Variants in SLC6A16 observed in about 807,000 individuals in gnomAD.
SLC6A16 encodes the protein orphan sodium- and chloride-dependent neurotransmitter transporter NTT5.
A neutral mutation model predicts 65.4 loss-of-function variants in SLC6A16; 54 were observed. That is an observed-to-expected ratio of 0.83 (90% CI 0.66 to 1.04). The LOEUF is 1.04. SLC6A16 is among the 50% of genes least tolerant of loss of function. SLC6A16 has a pLI of 0.00. For missense variants in SLC6A16, 816 were observed against 914.0 expected (o/e 0.89, Z 1.38); for synonymous variants, 330 against 346.5 (o/e 0.95, Z 0.53).
intron 7 of SLC6A16, among the ~76,000 whole-genome samples, chr19:49,302,080 G>C (rs998534266): frequency 2.0e-5 from 3 of 152,190 alleles, no homozygotes; most frequent in African/African-American, 7.2e-5. Context: ...CTGCAGTTAG[G>C]CACAAGCTGT....
At chr19:49,302,207 G>A (rs1469183092) in intron 7 of SLC6A16, among the ~76,000 whole-genome samples, 1 of 152,186 alleles carries the variant, frequency 6.6e-6, no homozygotes, top group Non-Finnish European at 1.5e-5. Flanking sequence ...TGTGCCTACA[G>A]CCAGCCTCTG....
the SLC6A16 span, chr19:49,339,226 C>A: frequency 3.0e-6 from 3 of 992,782 alleles, no homozygotes; most frequent in African/African-American, 1.6e-5. This position sits in a 1 kb window ranked among gnomAD's most constrained non-coding sequence, Gnocchi z 4.5. Flanking sequence ...ACTAGGGGAG[C>A]GGGTAGATGC....
intron 1 of SLC6A16, among the ~76,000 whole-genome samples, chr19:49,322,817 CTTTTTTTTTTTTTTTTTTTTTTTT>C (rs536909742): frequency 4.1e-4 from 17 of 41,970 alleles, no homozygotes; most frequent in South Asian, 8.3e-4. Context: ...GAATTAGTAG[CTTTTTTTTTTTTTTTTTTTTTTTT>C]TTTTTTTTTT....
At chr19:49,333,553 G>A in the SLC6A16 span, among the ~76,000 whole-genome samples, 2 of 152,188 alleles carry the variant, frequency 1.3e-5, no homozygotes, top group African/African-American at 4.8e-5. Flanking sequence ...GCTCAGGACT[G>A]GGTTTCAAAA....
chr19:49,307,174 G>C (rs576862381), intron 7 of SLC6A16, among the ~76,000 whole-genome samples: 1 of 150,536 alleles, frequency 6.6e-6, no homozygotes, highest in Non-Finnish European at 1.5e-5. Flanking sequence ...CACTGCTCCC[G>C]GCCTTGTTTT....
intron 5 of SLC6A16, 110 bp from the exon 6 acceptor site, chr19:49,309,521 C>T (rs1226251060): frequency 1.6e-6 from 2 of 1,266,746 alleles, no homozygotes; most frequent in Non-Finnish European, 2.3e-6. Context: ...AGAAGAAAGC[C>T]TTCAGCAAGA....
At chr19:49,337,312 G>A in the SLC6A16 span, 2 of 1,208,506 alleles carry the variant, frequency 1.7e-6, no homozygotes, top group South Asian at 1.2e-5. Context: ...CGAAACAAGG[G>A]CAGACAGGGG....
At chr19:49,328,002 C>T (rs930016229), upstream of SLC6A16, among the ~76,000 whole-genome samples, 2 of 151,938 alleles carry the variant, frequency 1.3e-5, no homozygotes, top group Non-Finnish European at 2.9e-5. Flanking sequence ...GAATTTTTTT[C>T]TTTTTTTTCT....
intron 9 of SLC6A16, 31 bp downstream of exon 9, chr19:49,293,796 A>C (rs1449869873): frequency 1.3e-6 from 2 of 1,592,282 alleles, no homozygotes; most frequent in South Asian, 2.2e-5. Context: ...GGTCAGGGTC[A>C]TTGTTAGGAG....
At chr19:49,338,950 C>A in the SLC6A16 span, 1 of 1,599,494 alleles carries the variant, frequency 6.3e-7, no homozygotes, top group East Asian at 2.2e-5. This position sits in a 1 kb window ranked among gnomAD's most constrained non-coding sequence, Gnocchi z 5.0. Context: ...GGCAGGGGTT[C>A]GGAGCATAAA....
chr19:49,330,192 T>C (rs1205863447), upstream of SLC6A16, among the ~76,000 whole-genome samples: 1 of 151,988 alleles, frequency 6.6e-6, no homozygotes, highest in African/African-American at 2.4e-5. Context: ...AGGAAAGTAC[T>C]GGAGTGTGCA....
chr19:49,338,990 G>A, the SLC6A16 span: 1 of 1,366,490 alleles, frequency 7.3e-7, no homozygotes, highest in Non-Finnish European at 1.0e-6. This position sits in a 1 kb window ranked among gnomAD's most constrained non-coding sequence, Gnocchi z 5.0. Flanking sequence ...CCTGCGGGAG[G>A]GGGAGGGCTG....
chr19:49,311,444 T>G, intron 1 of SLC6A16, 33 bp from the exon 2 acceptor site: 1 of 1,390,800 alleles, frequency 7.2e-7, no homozygotes, highest in Non-Finnish European at 9.6e-7. Flanking sequence ...GATTTTAGAT[T>G]TTAGAGTCAA....
Position 49,309,111 on chromosome 19 carries a change from C to T in SLC6A16, c.994G>A (p.Asp332Asn). The T allele has an allele frequency of 5.0e-6, 8 of 1,613,986 alleles. No individual in the cohort carries two copies. The highest frequency in any genetic ancestry group is 6.8e-6 in the Non-Finnish European group (8 of 1,179,954). Residue 332 changes from aspartate to asparagine, a missense_variant, in exon 7 of 12, where the codon GAT (aspartate) becomes AAT (asparagine). Asp to Asn is a conservative substitution (Grantham distance 23, BLOSUM62 1). Coordinates refer to ENST00000335875, the MANE Select transcript of SLC6A16 (RefSeq NM_014037.3). The stretch of plus-strand genomic sequence containing the variant: ...GACCACACACTCATATTGTACACAT[C>T]CGATATCTAAAAGAGAGAAGACAAG... ...LQQLVVAKIS[D>N]VYNMSVWSLA...
chr19:49,327,979 T>C (rs1422485061), upstream of SLC6A16, among the ~76,000 whole-genome samples: 1 of 152,212 alleles, frequency 6.6e-6, no homozygotes, highest in Non-Finnish European at 1.5e-5. Context: ...GAGGCCCTTA[T>C]AGGTCATGGT....
chr19:49,312,983 T>C (rs934857136), intron 1 of SLC6A16, among the ~76,000 whole-genome samples: 1 of 147,506 alleles, frequency 6.8e-6, no homozygotes, highest in African/African-American at 2.5e-5. Flanking sequence ...CTCAGGAGGC[T>C]GAGGCAGGAG....
rs182717057 is a variant in SLC6A16, at chr19:49,303,927, T to C, written c.1229+4949A>G. Among the ~76,000 whole-genome samples, 27 of 152,212 alleles carry C rather than the reference T, an allele frequency of 1.8e-4. No homozygotes were observed. The East Asian group carries it at 4.8e-3, about 27-fold the overall frequency. On this transcript the variant is annotated intron_variant, in intron 7 of 11. Transcript: ENST00000335875. ...ACAAAAGACTATGGAACAGACAAAA[T>C]TGAACTTCATAATGGACCTCAGATA...
intron 7 of SLC6A16, among the ~76,000 whole-genome samples, chr19:49,307,475 G>A (rs530757686): frequency 1.3e-5 from 2 of 152,030 alleles, no homozygotes; most frequent in Non-Finnish European, 2.9e-5. Flanking sequence ...TCTTGCACAC[G>A]CACACATGTA....
At chr19:49,300,037 T>TATTC (rs1382060322) in intron 7 of SLC6A16, among the ~76,000 whole-genome samples, 1 of 145,210 alleles carries the variant, frequency 6.9e-6, no homozygotes, top group Non-Finnish European at 1.5e-5. Flanking sequence ...ATTTAAAGGA[T>TATTC]ATTCAAGTAG....
Sources: gnomAD v4.1 joint callset for allele counts (sites outside exome capture counted in the v4.1 genomes callset) on GRCh38, gnomAD v4.1.1 for gene constraint, Gnocchi (gnomAD v3.1) non-coding constraint, MANE v1.5 for transcripts, NCBI Gene and HGNC (gene_info 2026-07-23, HGNC 2026-07-21) for gene names.